The following MFSD11 variants were observed in gnomAD, a reference collection of about 807,000 sequenced individuals.
MFSD11 encodes the protein UNC93-like protein MFSD11.
Under a neutral mutation model 53.5 loss-of-function variants are expected in MFSD11, and 36 were observed. The ratio of observed to expected loss-of-function variants is 0.67; its 90% CI spans 0.52 to 0.89. The LOEUF (loss-of-function observed/expected upper bound fraction) is 0.89. MFSD11 is among the 40% of genes least tolerant of loss of function. The pLI is 0.00. For missense variants in MFSD11, 530 were observed against 543.9 expected (o/e 0.97, Z 0.25); for synonymous variants, 186 against 184.9 (o/e 1.01, Z -0.05).
chr17:76,800,762 C>A, the MFSD11 span, among the ~76,000 whole-genome samples: 4 of 152,042 alleles, frequency 2.6e-5, no homozygotes, highest in Non-Finnish European at 5.9e-5. Context: ...CTTAGAATTT[C>A]CTGTATTTAT....
At chr17:76,779,460 TAA>T (rs1296696938), downstream of MFSD11, among the ~76,000 whole-genome samples, 1 of 151,838 alleles carries the variant, frequency 6.6e-6, no homozygotes, top group African/African-American at 2.4e-5. Context: ...AAAATTGTCA[TAA>T]GTCTTTTTTA....
intron 8 of MFSD11, among the ~76,000 whole-genome samples, chr17:76,759,770 T>C (rs1169275037): frequency 2.3e-5 from 3 of 130,964 alleles, no homozygotes; most frequent in Non-Finnish European, 4.9e-5. Flanking sequence ...TTTTTTTTTT[T>C]TTTTTTTTTT....
rs767579642 is a variant in MFSD11, at chr17:76,776,517, A to C, written c.1161A>C (p.Ala387=). 44 of 1,613,818 alleles carry C rather than the reference A, an allele frequency of 2.7e-5. No homozygotes were observed. Among genetic ancestry groups the C allele is most frequent in the Non-Finnish European group, 4.2e-6 (5 of 1,180,010 alleles). Reference sequence around the variant, plus strand: ...TGTATTCTGAAGACAGCGCCCCAGCATTTGCCATCTTCAAGTTTGTTCAGG... The same window carrying C: ...TGTATTCTGAAGACAGCGCCCCAGCCTTTGCCATCTTCAAGTTTGTTCAGG... ...GFLYSEDSAP[A]FAIFKFVQSI... is the part of the protein sequence containing the mutation. The change falls in exon 12 of 13, where the codon GCA becomes GCC. Residue 387 remains alanine (A), a synonymous_variant. Transcript: ENST00000685175. This position sits in a 1 kb window ranked among gnomAD's most constrained non-coding sequence, Gnocchi z 4.2.
the MFSD11 span, among the ~76,000 whole-genome samples, chr17:76,796,811 CAAAAA>C: frequency 1.1e-4 from 13 of 114,284 alleles, no homozygotes; most frequent in Middle Eastern, 4.8e-3. Flanking sequence ...CTAAAAATAC[CAAAAA>C]AAAAAAAAAA....
chr17:76,739,096 G>A, intron 2 of MFSD11, 103 bp downstream of exon 2: 3 of 890,582 alleles, frequency 3.4e-6, no homozygotes, highest in East Asian at 2.5e-5. Context: ...AAGTGGTGAT[G>A]GCATTTTCTC....
intron 8 of MFSD11, among the ~76,000 whole-genome samples, chr17:76,762,104 C>A (rs1288760641): frequency 6.6e-6 from 1 of 152,052 alleles, no homozygotes; most frequent in Admixed American, 6.6e-5. Flanking sequence ...ATGCAACCTC[C>A]CTAAGGCACT....
intron 8 of MFSD11, among the ~76,000 whole-genome samples, chr17:76,754,409 G>A (rs564889036): frequency 3.4e-4 from 52 of 152,128 alleles, no homozygotes; most frequent in Non-Finnish European, 5.6e-4. Flanking sequence ...GTGGCTGCGC[G>A]CAGTGACTCG....
At chr17:76,759,120 G>A (rs923863452) in intron 8 of MFSD11, among the ~76,000 whole-genome samples, 10 of 151,990 alleles carry the variant, frequency 6.6e-5, no homozygotes, top group African/African-American at 9.7e-5. Flanking sequence ...AGCTGGGAAT[G>A]GTGGCACGTC....
At chr17:76,802,344 C>T in the MFSD11 span, among the ~76,000 whole-genome samples, 21 of 152,142 alleles carry the variant, frequency 1.4e-4, no homozygotes, top group Non-Finnish European at 2.2e-4. Flanking sequence ...TTTGGAGAAA[C>T]TGGAACCCTC....
chr17:76,740,914 G>GTT, intron 2 of MFSD11, 43 bp from the exon 3 acceptor site: 1 of 1,044,604 alleles, frequency 9.6e-7, no homozygotes, highest in Non-Finnish European at 1.4e-6. Flanking sequence ...TAAGGGCTTT[G>GTT]TTCTTTTTTT....
At chr17:76,783,485 A>G (rs2082221851), downstream of MFSD11, among the ~76,000 whole-genome samples, 1 of 152,010 alleles carries the variant, frequency 6.6e-6, no homozygotes, top group Non-Finnish European at 1.5e-5. Context: ...GGCTGCCCAC[A>G]CAGGATTTCT....
chr17:76,742,525 C>T (rs1349874722), intron 5 of MFSD11, among the ~76,000 whole-genome samples: 2 of 150,344 alleles, frequency 1.3e-5, no homozygotes, highest in Non-Finnish European at 1.5e-5. Flanking sequence ...TTAAATGAGA[C>T]GGTGTCTCAC....
At chr17:76,737,397 G>A (rs1231379696), upstream of MFSD11, 8 of 503,270 alleles carry the variant, frequency 1.6e-5, no homozygotes, top group African/African-American at 3.9e-5. Flanking sequence ...GCGCCACCCG[G>A]AAATGAAACC....
chr17:76,797,172 TAAAAAAG>T, the MFSD11 span, among the ~76,000 whole-genome samples: 511 of 151,560 alleles, frequency 3.4e-3, 2 homozygotes, highest in African/African-American at 7.7e-3. Flanking sequence ...CTTCCTCAAT[TAAAAAAG>T]AAAAAAGAAA....
At chr17:76,769,969 T>G in intron 10 of MFSD11, 98 bp downstream of exon 10, 1 of 1,119,544 alleles carries the variant, frequency 8.9e-7, no homozygotes, top group Non-Finnish European at 1.3e-6. Context: ...TGAATTTCTG[T>G]TTTTTCTACT....
chr17:76,741,035 C>T lies in MFSD11; in HGVS notation c.231C>T (p.Leu77=), dbSNP rs2078031822. The part of the protein sequence containing the change: ...PSVVAIVGPQ[L]SMFASGLFYS... ...TGGTTGCCATTGTAGGACCTCAACT[C>T]TCTATGTTTGCCAGTGGTTTATTTT... is the stretch of plus-strand genomic sequence containing the variant. The change falls in exon 3 of 13, where the codon CTC becomes CTT. Residue 77 remains leucine, a synonymous_variant. Coordinates refer to ENST00000685175, the MANE Select transcript of MFSD11 (RefSeq NM_001242532.5). The T allele has an allele frequency of 8.1e-6, 13 of 1,611,090 alleles. No individual in the cohort carries two copies. In the East Asian group the frequency reaches 2.9e-4, roughly 36 times the overall value.
chr17:76,755,785 T>TACATAC, intron 8 of MFSD11, among the ~76,000 whole-genome samples: 1 of 46,110 alleles, frequency 2.2e-5, no homozygotes, highest in South Asian at 1.0e-3. Context: ...TGTGTGTGTG[T>TACATAC]GTATACATAT....
Position 76,778,670 on chromosome 17 carries a change from G to A in MFSD11, c.*318G>A. The A allele has an allele frequency of 4.1e-6, 1 of 246,450 alleles. No individual in the cohort carries two copies. The highest frequency in any genetic ancestry group is 7.8e-6 in the Non-Finnish European group (1 of 127,496). 15.3% of individuals were successfully genotyped at this position (246,450 alleles called of 1,614,324 possible). ...CTTCTCTCTCCTGCTCTTGTTGGAA[G>A]ATCCTGCCTTGATTTAGAATACTAG... On this transcript the variant is annotated 3_prime_UTR_variant, in exon 13 of 13. Transcript: ENST00000685175.
intron 11 of MFSD11, among the ~76,000 whole-genome samples, chr17:76,775,557 A>G (rs2081750076): frequency 6.6e-6 from 1 of 152,204 alleles, no homozygotes; most frequent in Admixed American, 6.5e-5. Context: ...AGAGCAGTTT[A>G]TATAACGTTT....
Sources: allele counts gnomAD v4.1 joint callset (sites outside exome capture counted in the v4.1 genomes callset), GRCh38; gene constraint gnomAD v4.1.1; non-coding constraint Gnocchi (gnomAD v3.1); transcripts MANE v1.5; gene names NCBI Gene and HGNC (gene_info 2026-07-23, HGNC 2026-07-21).